Variants in SESTD1 observed in about 807,000 individuals in gnomAD.
SESTD1 encodes the protein SEC14 and spectrin domain containing 1.
A neutral mutation model predicts 101.7 loss-of-function variants in SESTD1; 43 were observed. That is an observed-to-expected ratio of 0.42 (90% confidence interval 0.33 to 0.55). The LOEUF is 0.55. Among genes scored for constraint, SESTD1 ranks in the 20% least tolerant of loss-of-function variants. The pLI, the probability that SESTD1 is intolerant of heterozygous loss-of-function variation, is 0.07. For synonymous variants in SESTD1, 283 were observed against 286.8 expected (o/e 0.99, Z 0.13); for missense variants, 647 against 815.1 (o/e 0.79, Z 2.51).
At chr2:179,130,565 A>G (rs1205777663) in intron 10 of SESTD1, among the ~76,000 whole-genome samples, 1 of 152,084 alleles carries the variant, frequency 6.6e-6, no homozygotes, top group Non-Finnish European at 1.5e-5. Context: ...GTAAACTTAG[A>G]GTACAGTACA....
chr2:179,123,859 C>A (rs1419093603), intron 11 of SESTD1, 30 bp from the exon 12 acceptor site: 5 of 1,506,498 alleles, frequency 3.3e-6, no homozygotes, highest in South Asian at 1.1e-5. Flanking sequence ...AAGAGATAAC[C>A]CTGATGTAAT....
intron 5 of SESTD1, among the ~76,000 whole-genome samples, chr2:179,162,723 C>T (rs1220929725): frequency 1.3e-5 from 2 of 151,334 alleles, no homozygotes; most frequent in Non-Finnish European, 2.9e-5. Context: ...CACGGTGGCT[C>T]ATGTCTGTAA....
At chr2:179,165,669 G>A (rs1301748213) in intron 5 of SESTD1, among the ~76,000 whole-genome samples, 1 of 152,124 alleles carries the variant, frequency 6.6e-6, no homozygotes, top group African/African-American at 2.4e-5. Flanking sequence ...CTATGCTTTT[G>A]TCTCTTTTTG....
intron 5 of SESTD1, among the ~76,000 whole-genome samples, chr2:179,157,225 CACAA>C (rs1233147986): frequency 4.6e-5 from 7 of 152,100 alleles, no homozygotes; most frequent in Non-Finnish European, 7.4e-5. Context: ...TCACAGATGA[CACAA>C]ACAAATGGAA....
chr2:179,248,621 T>C (rs1299942691), intron 1 of SESTD1, among the ~76,000 whole-genome samples: 1 of 151,546 alleles, frequency 6.6e-6, no homozygotes, highest in Non-Finnish European at 1.5e-5. Flanking sequence ...CACATAATCA[T>C]GAACTCTTGC....
intron 13 of SESTD1, 130 bp downstream of exon 13, chr2:179,121,640 C>T (rs13420572): frequency 0.15 from 96,543 of 643,514 alleles, 7,861 homozygotes; most frequent in South Asian, 0.27. Context: ...ATCACATTCA[C>T]CAAAAACCTA....
rs2044466983 is a variant in SESTD1, at chr2:179,109,841, T to C, written c.*58A>G. The C allele has an allele frequency of 1.9e-6, 3 of 1,594,156 alleles. No homozygotes were observed. The highest frequency in any genetic ancestry group is 2.2e-5 in the South Asian group (2 of 89,022). ...TCTTAAGGTGTGGTGGCTAATGCTG[T>C]AGTATGTTGACAACATGCGGGATTA... On this transcript the variant is annotated 3_prime_UTR_variant, in exon 18 of 18. Transcript: ENST00000428443.
intron 5 of SESTD1, among the ~76,000 whole-genome samples, chr2:179,155,220 A>G (rs971389339): frequency 7.9e-5 from 12 of 151,916 alleles, no homozygotes; most frequent in Admixed American, 7.9e-4. Context: ...CCGGCCCACA[A>G]CTCTTTTTTT....
chr2:179,213,229 G>A lies in SESTD1; in HGVS notation c.-25-21363C>T, dbSNP rs373687501. 4.5e-5 allele frequency among the ~76,000 whole-genome samples: 6 copies of A among 134,524 alleles called. 1 individual carries two copies. In the East Asian group the frequency reaches 6.0e-4, roughly 13 times the overall value. 88.3% of individuals were successfully genotyped at this position (134,524 alleles called of 152,430 possible). Reference sequence around the variant, plus strand: ...CTAAAGGGGCATGTTCTAACCCATCGCAAGGAAGCTAAAATTCTTGAAAAA... The same window carrying A: ...CTAAAGGGGCATGTTCTAACCCATCACAAGGAAGCTAAAATTCTTGAAAAA... On this transcript the variant is annotated intron_variant, in intron 1 of 17. Coordinates refer to ENST00000428443, the MANE Select transcript of SESTD1 (RefSeq NM_178123.5).
intron 13 of SESTD1, among the ~76,000 whole-genome samples, chr2:179,119,081 A>G (rs1224607873): frequency 6.6e-6 from 1 of 152,242 alleles, no homozygotes; most frequent in Non-Finnish European, 1.5e-5. Flanking sequence ...GAATTGGATT[A>G]TGAAGGGTCT....
chr2:179,200,126 C>A (rs1293966039), intron 1 of SESTD1, among the ~76,000 whole-genome samples: 1 of 151,936 alleles, frequency 6.6e-6, no homozygotes, highest in African/African-American at 2.4e-5. Context: ...TCTTATACAC[C>A]AACAACAGAC....
Position 179,124,463 on chromosome 2 carries a change from C to A in SESTD1, c.1068G>T (p.Gln356His), listed in dbSNP as rs1180646886. The stretch of plus-strand genomic sequence containing the variant: ...GATAACAAACATCACTAAGTTGTTG[C>A]TGCAGTGACTTTAGTTCCACAAGAT... ...EEDLVELKSL[Q>H]QQLSDVCYRQ... is the part of the protein sequence containing the mutation. Residue 356 changes from glutamine to histidine, a missense_variant, in exon 11 of 18, where the codon CAG (glutamine) becomes CAT (histidine). Gln to His is a conservative substitution (Grantham distance 24, BLOSUM62 0). Transcript: ENST00000428443. 1 of 1,613,972 alleles carries A rather than the reference C, an allele frequency of 6.2e-7. No homozygotes were observed. Among genetic ancestry groups the A allele is most frequent in the Non-Finnish European group, 8.5e-7 (1 of 1,179,976 alleles).
rs1176134091 is a variant in SESTD1 at position 179,108,071 on chromosome 2, A to G, written c.*1828T>C. The G allele has an allele frequency of 2.0e-5, 3 of 152,198 alleles. No individual in the cohort carries two copies. Among genetic ancestry groups the G allele is most frequent in the African/African-American group, 7.2e-5 (3 of 41,434 alleles). 9.4% of individuals were successfully genotyped at this position (152,198 alleles called of 1,614,324 possible). On this transcript the variant is annotated 3_prime_UTR_variant, in exon 18 of 18. Transcript: ENST00000428443. Reference sequence around the variant, plus strand: ...TTGTTCCAGGAGGAAAAGGTGATAAATATTGTCAATCTTTAATCAAGGTTG... The same window carrying G: ...TTGTTCCAGGAGGAAAAGGTGATAAGTATTGTCAATCTTTAATCAAGGTTG...
intron 4 of SESTD1, among the ~76,000 whole-genome samples, chr2:179,174,653 T>C (rs1199679348): frequency 6.6e-6 from 1 of 152,212 alleles, no homozygotes; most frequent in Admixed American, 6.5e-5. Flanking sequence ...TCCCTTAAAC[T>C]GATCCTGCGG....
rs1019622430 is a variant in SESTD1, at chr2:179,104,170, T to C, written c.*5729A>G. On this transcript the variant is annotated 3_prime_UTR_variant, in exon 18 of 18. Transcript: ENST00000428443. Reference sequence around the variant, plus strand: ...ATCATCAAATTCTTCTAAGTGTCCATTGAGAAGTAAGTTTCTCTTAAAGGC... The same window carrying C: ...ATCATCAAATTCTTCTAAGTGTCCACTGAGAAGTAAGTTTCTCTTAAAGGC... The C allele has an allele frequency of 4.6e-5, 7 of 152,276 alleles. No homozygotes were observed. Among genetic ancestry groups the C allele is most frequent in the African/African-American group, 4.8e-5 (2 of 41,566 alleles). The allele number at this position is 152,276 out of a possible 1,614,324, so 9.4% of individuals were successfully genotyped here. A position where few individuals can be genotyped will look rare whatever the true frequency, so the allele number is the denominator to read the frequency against.
At chr2:179,134,204 G>GT (rs1465794964) in intron 9 of SESTD1, among the ~76,000 whole-genome samples, 4 of 152,072 alleles carry the variant, frequency 2.6e-5, no homozygotes, top group Admixed American at 2.6e-4. Context: ...TTTCACCTGC[G>GT]TAAGGGTTTT....
chr2:179,261,488 C>G (rs1468481991), intron 1 of SESTD1, among the ~76,000 whole-genome samples: 3 of 151,998 alleles, frequency 2.0e-5, no homozygotes, highest in Non-Finnish European at 4.4e-5. Context: ...AGGAATAAAC[C>G]TACCTTACAG....
intron 5 of SESTD1, among the ~76,000 whole-genome samples, chr2:179,155,673 C>T (rs558221469): frequency 9.2e-5 from 14 of 151,850 alleles, no homozygotes; most frequent in Admixed American, 7.2e-4. Flanking sequence ...TCTTATTTAA[C>T]GTAATATTCT....
At chr2:179,228,740 A>G (rs1196515616) in intron 1 of SESTD1, among the ~76,000 whole-genome samples, 1 of 152,232 alleles carries the variant, frequency 6.6e-6, no homozygotes, top group Non-Finnish European at 1.5e-5. Flanking sequence ...AAGACTAACA[A>G]GAAGAACAAA....
Sources: gnomAD v4.1 joint callset for allele counts (sites outside exome capture counted in the v4.1 genomes callset) on GRCh38, gnomAD v4.1.1 for gene constraint, MANE v1.5 for transcripts, NCBI Gene and HGNC (gene_info 2026-07-23, HGNC 2026-07-21) for gene names.